Variants in ZNF423 observed in about 807,000 individuals in gnomAD.
ZNF423 encodes the protein Ebf-associated zinc finger protein.
In ZNF423, 12 loss-of-function variants were observed where a neutral mutation model predicts 95.8. The ratio of observed to expected loss-of-function variants is 0.13; its 90% CI spans 0.08 to 0.20. The LOEUF is 0.20. ZNF423 is among the 10% of genes least tolerant of loss of function. The pLI is 1.00. For synonymous variants in ZNF423, 749 were observed against 711.9 expected, an observed-to-expected ratio of 1.05 and a Z score of -0.83; for missense variants, 1,316 against 1,737.1, an observed-to-expected ratio of 0.76 and a Z score of 4.31.
chr16:49,773,596 C>G (rs1248748574), intron 2 of ZNF423, among the ~76,000 whole-genome samples: 2 of 152,124 alleles, frequency 1.3e-5, no homozygotes, highest in Admixed American at 1.3e-4. Context: ...GCAAATGTGC[C>G]TATCTATGTT....
At chr16:49,836,128 C>A (rs1399152818) in intron 1 of ZNF423, among the ~76,000 whole-genome samples, 1 of 152,190 alleles carries the variant, frequency 6.6e-6, no homozygotes. Context: ...AGCCTAAATA[C>A]CTTAAATGCA....
chr16:49,846,371 T>C (rs989447483), intron 1 of ZNF423, among the ~76,000 whole-genome samples: 2 of 151,170 alleles, frequency 1.3e-5, no homozygotes, highest in Non-Finnish European at 2.9e-5. Context: ...TGAAAGTGTG[T>C]ACGTCCAGGC....
chr16:49,822,612 C>G, intron 1 of ZNF423: 1 of 1,439,256 alleles, frequency 6.9e-7, no homozygotes. Flanking sequence ...AGTTCGAGCT[C>G]CTTCTGTCTG....
intron 5 of ZNF423, among the ~76,000 whole-genome samples, chr16:49,585,442 G>C (rs1346020164): frequency 6.6e-6 from 1 of 152,190 alleles, no homozygotes; most frequent in Non-Finnish European, 1.5e-5. Flanking sequence ...GCCAGCCATT[G>C]TTACACAGGC....
At chr16:49,750,314 C>T (rs952965235) in intron 2 of ZNF423, among the ~76,000 whole-genome samples, 5 of 152,208 alleles carry the variant, frequency 3.3e-5, no homozygotes, top group African/African-American at 1.2e-4. Flanking sequence ...AAATATGGGG[C>T]TTCAAGTCAT....
chr16:49,586,602 C>T (rs1215930858), intron 5 of ZNF423, among the ~76,000 whole-genome samples: 1 of 152,206 alleles, frequency 6.6e-6, no homozygotes, highest in Non-Finnish European at 1.5e-5. Context: ...CAGCTCCGAG[C>T]GGCAGGCGCA....
rs1189626069 is a variant in ZNF423, at chr16:49,523,692, C to T, written c.3781G>A (p.Gly1261Arg). Reference sequence around the variant, plus strand: ...CAGTCGTAGATCTTGTCCTCCTGCCCGTGCACGGCAAAGATGTGCTGCTGC... The same window carrying T: ...CAGTCGTAGATCTTGTCCTCCTGCCTGTGCACGGCAAAGATGTGCTGCTGC... ...KLQQHIFAVH[G>R]QEDKIYDCSQ... The change falls in exon 7 of 8, where the codon GGG (glycine) becomes AGG (arginine). Residue 1261 changes from glycine (G) to arginine (R), a missense_variant. By Grantham distance (125) the Gly-to-Arg change is moderately radical (BLOSUM62 -2). Transcript: ENST00000563137. The T allele has an allele frequency of 1.2e-5, 19 of 1,614,136 alleles. No individual in the cohort carries two copies. Among genetic ancestry groups the T allele is most frequent in the South Asian group, 2.2e-5 (2 of 91,076 alleles).
intron 5 of ZNF423, among the ~76,000 whole-genome samples, chr16:49,532,922 T>C (rs1049232591): frequency 6.6e-6 from 1 of 152,116 alleles, no homozygotes; most frequent in Non-Finnish European, 1.5e-5. Context: ...CGCTACCCCA[T>C]GGCAGGAGAA....
chr16:49,787,316 G>A (rs190477590), intron 2 of ZNF423, among the ~76,000 whole-genome samples: 2 of 152,182 alleles, frequency 1.3e-5, no homozygotes, highest in African/African-American at 2.4e-5. Flanking sequence ...AAAAACACCA[G>A]CAAAAATGAG....
chr16:49,585,318 C>T (rs1210295920), intron 5 of ZNF423, among the ~76,000 whole-genome samples: 6 of 152,176 alleles, frequency 3.9e-5, no homozygotes, highest in African/African-American at 1.4e-4. Context: ...CTCGGCCTCT[C>T]AGCCCCCTGA....
rs918013194 is a variant in ZNF423 at position 49,489,092 on chromosome 16, T to TG, written c.*2182dup. ...CTTAAACCCCCCGCTGTATTTTTAA[T>TG]GGGGGCAGTGACTAATTTAGCCCTA... On this transcript the variant is annotated 3_prime_UTR_variant, in exon 8 of 8. Transcript: ENST00000563137. The TG allele has an allele frequency of 1.2e-4, 19 of 152,232 alleles. No individual in the cohort carries two copies. The highest frequency in any genetic ancestry group is 4.6e-4 in the African/African-American group (19 of 41,444). The allele number at this position is 152,232 out of a possible 1,614,324, so 9.4% of individuals were successfully genotyped here. A position where few individuals can be genotyped will look rare whatever the true frequency, so the allele number is the denominator to read the frequency against.
At position 49,751,340 on chromosome 16, in the gene ZNF423, G is replaced by T. The variant is rs547778785; in HGVS notation, c.101-20369C>A. On this transcript the variant is annotated intron_variant, in intron 2 of 7. Transcript: ENST00000563137. Reference sequence around the variant, plus strand: ...GGGCTCAAGTGATCCTCCCACCTCAGCCTCCCAAGCACCACCACACCTGGC... The same window carrying T: ...GGGCTCAAGTGATCCTCCCACCTCATCCTCCCAAGCACCACCACACCTGGC... Among the ~76,000 whole-genome samples the T allele has an allele frequency of 1.1e-3, 166 of 152,130 alleles. 1 individual carries two copies. The highest frequency in any genetic ancestry group is 3.9e-3 in the African/African-American group (161 of 41,508).
intron 5 of ZNF423, among the ~76,000 whole-genome samples, chr16:49,526,471 C>G (rs971006655): frequency 2.0e-5 from 3 of 152,160 alleles, no homozygotes; most frequent in African/African-American, 7.2e-5. Context: ...AGGCTCAGAG[C>G]TCTGGTGCCC....
intron 3 of ZNF423, among the ~76,000 whole-genome samples, chr16:49,684,884 C>G (rs1184912337): frequency 6.6e-6 from 1 of 152,212 alleles, no homozygotes; most frequent in Non-Finnish European, 1.5e-5. Flanking sequence ...GGGCTGGAGC[C>G]AGGCTCTGCA....
At chr16:49,585,464 G>T (rs893049634) in intron 5 of ZNF423, among the ~76,000 whole-genome samples, 2 of 152,170 alleles carry the variant, frequency 1.3e-5, no homozygotes, top group Non-Finnish European at 2.9e-5. Context: ...TCGATGGGGG[G>T]ATGAGAGTTT....
intron 1 of ZNF423, among the ~76,000 whole-genome samples, chr16:49,791,835 C>T (rs2034419222): frequency 1.3e-5 from 2 of 151,902 alleles, no homozygotes; most frequent in African/African-American, 2.4e-5. Flanking sequence ...AACCCCATCT[C>T]TACTAAAAAT....
chr16:49,758,838 G>A (rs563470786), intron 2 of ZNF423, among the ~76,000 whole-genome samples: 34 of 152,292 alleles, frequency 2.2e-4, no homozygotes, highest in African/African-American at 7.2e-4. Flanking sequence ...GGGTACACAC[G>A]TGAGTGACAG....
chr16:49,845,353 C>G (rs1475230941), intron 1 of ZNF423, among the ~76,000 whole-genome samples: 1 of 151,770 alleles, frequency 6.6e-6, no homozygotes, highest in Non-Finnish European at 1.5e-5. Flanking sequence ...GATCTGCCCC[C>G]CTCAGCCTCC....
chr16:49,759,849 C>A (rs2033794969), intron 2 of ZNF423, among the ~76,000 whole-genome samples: 1 of 152,114 alleles, frequency 6.6e-6, no homozygotes, highest in African/African-American at 2.4e-5. Context: ...AGACTAGGGT[C>A]CCTGCTGCAC....
Sources: allele counts gnomAD v4.1 joint callset (sites outside exome capture counted in the v4.1 genomes callset), GRCh38; gene constraint gnomAD v4.1.1; transcripts MANE v1.5; gene names NCBI Gene and HGNC (gene_info 2026-07-23, HGNC 2026-07-21).